Variants in MCU observed in about 807,000 individuals in gnomAD.
MCU encodes the protein mitochondrial calcium uniporter.
In MCU, 12 loss-of-function variants were observed where a neutral mutation model predicts 45.2. That is an observed-to-expected ratio of 0.27 (90% confidence interval 0.17 to 0.43). The LOEUF (loss-of-function observed/expected upper bound fraction) is 0.43. Among genes scored for constraint, MCU ranks in the 20% least tolerant of loss-of-function variants. The probability of loss-of-function intolerance (pLI) is 1.00; values close to 1 mark genes in which losing one functional copy is unlikely to be tolerated. For synonymous variants in MCU, 160 were observed against 165.1 expected, an observed-to-expected ratio of 0.97 and a Z score of 0.24; for missense variants, 324 against 436.7, an observed-to-expected ratio of 0.74 and a Z score of 2.30.
chr10:72,740,967 A>G (rs985855728), intron 1 of MCU, among the ~76,000 whole-genome samples: 1 of 152,216 alleles, frequency 6.6e-6, no homozygotes, highest in Non-Finnish European at 1.5e-5. Flanking sequence ...TATCAACAAT[A>G]TATTAATATT....
chr10:72,742,548 T>C (rs1031654142), intron 1 of MCU, among the ~76,000 whole-genome samples: 2 of 152,236 alleles, frequency 1.3e-5, no homozygotes, highest in Admixed American at 6.5e-5. Context: ...ATCGTTTTCA[T>C]GTGTTCTTTG....
chr10:72,861,075 AGT>A (rs1382152169), intron 4 of MCU, among the ~76,000 whole-genome samples: 3 of 152,030 alleles, frequency 2.0e-5, no homozygotes, highest in Non-Finnish European at 4.4e-5. Context: ...CCCAGGATGG[AGT>A]GCAGTGGCAT....
chr10:72,728,871 T>G (rs1843134197), intron 1 of MCU, among the ~76,000 whole-genome samples: 1 of 152,208 alleles, frequency 6.6e-6, no homozygotes, highest in Non-Finnish European at 1.5e-5. Context: ...ATTAAAATTA[T>G]TTGTATATTT....
chr10:72,770,528 A>G (rs1003098344), intron 1 of MCU, among the ~76,000 whole-genome samples: 1 of 152,078 alleles, frequency 6.6e-6, no homozygotes, highest in Non-Finnish European at 1.5e-5. Flanking sequence ...TATATATGTT[A>G]CAAACCTAAC....
intron 2 of MCU, among the ~76,000 whole-genome samples, chr10:72,847,885 C>T (rs1389079863): frequency 6.6e-6 from 1 of 152,166 alleles, no homozygotes; most frequent in Middle Eastern, 3.2e-3. Context: ...CAAGAAGGTA[C>T]CACTTCTCCA....
chr10:72,828,209 G>T (rs1263424034), intron 1 of MCU, among the ~76,000 whole-genome samples: 1 of 152,182 alleles, frequency 6.6e-6, no homozygotes, highest in African/African-American at 2.4e-5. Context: ...AGCATTCCAT[G>T]TTGTGCTAAG....
At chr10:72,792,264 A>G (rs1011789611) in intron 1 of MCU, among the ~76,000 whole-genome samples, 5 of 152,216 alleles carry the variant, frequency 3.3e-5, no homozygotes, top group Admixed American at 6.5e-5. Context: ...AGACAAAATC[A>G]TATGTCAATG....
At chr10:72,824,051 C>T (rs1474348484) in intron 1 of MCU, among the ~76,000 whole-genome samples, 1 of 152,036 alleles carries the variant, frequency 6.6e-6, no homozygotes, top group African/African-American at 2.4e-5. Flanking sequence ...ACCCTGTCCT[C>T]CCTTAGTCAC....
intron 1 of MCU, among the ~76,000 whole-genome samples, chr10:72,795,556 G>A (rs1253923092): frequency 1.3e-5 from 2 of 152,094 alleles, no homozygotes; most frequent in Admixed American, 6.6e-5. Flanking sequence ...ATAATTTCTG[G>A]GACTTATATC....
At chr10:72,884,581 G>A in intron 7 of MCU, 199 bp downstream of exon 7, 1 of 485,720 alleles carries the variant, frequency 2.1e-6, no homozygotes, top group East Asian at 3.1e-5. Flanking sequence ...AAAAGCAAGT[G>A]AGAAGATGGT....
At chr10:72,702,728 A>G (rs1210730832) in intron 1 of MCU, among the ~76,000 whole-genome samples, 1 of 152,122 alleles carries the variant, frequency 6.6e-6, no homozygotes, top group Admixed American at 6.5e-5. Context: ...TGTAATCCCA[A>G]CGCTTTGGGA....
intron 1 of MCU, among the ~76,000 whole-genome samples, chr10:72,735,507 G>A (rs1174918778): frequency 6.6e-6 from 1 of 152,156 alleles, no homozygotes; most frequent in Non-Finnish European, 1.5e-5. Flanking sequence ...GAAGCATGGT[G>A]TCCAGAATGA....
At chr10:72,866,630 C>T (rs531146666) in intron 4 of MCU, among the ~76,000 whole-genome samples, 8 of 152,202 alleles carry the variant, frequency 5.3e-5, no homozygotes, top group African/African-American at 1.7e-4. Flanking sequence ...CTCCTGACCT[C>T]GTGATTCGTC....
chr10:72,768,706 TAC>T, intron 1 of MCU, among the ~76,000 whole-genome samples: 1 of 152,316 alleles, frequency 6.6e-6, no homozygotes, highest in Admixed American at 6.5e-5. Flanking sequence ...TAAGAAAAAT[TAC>T]AGTTAAGATG....
At chr10:72,762,596 A>G (rs1843670480) in intron 1 of MCU, among the ~76,000 whole-genome samples, 1 of 152,198 alleles carries the variant, frequency 6.6e-6, no homozygotes, top group Admixed American at 6.5e-5. Context: ...TGGATTGAAG[A>G]AAAATGTTTT....
In MCU at chr10:72,723,727, A is replaced by G. The variant is rs554487037; in HGVS notation, c.150+31426A>G. Among the ~76,000 whole-genome samples the G allele has an allele frequency of 5.3e-5, 8 of 152,358 alleles. No individual in the cohort carries two copies. In the East Asian group the frequency reaches 1.5e-3, roughly 29 times the overall value. On this transcript the variant is annotated intron_variant, in intron 1 of 7. Coordinates refer to ENST00000373053, the MANE Select transcript of MCU (RefSeq NM_138357.3). Reference sequence around the variant, plus strand: ...TGGCTGTATCAGTATTTGTGCTTGCAACGTGCTTTTCAAAATATATATATT... The same window carrying G: ...TGGCTGTATCAGTATTTGTGCTTGCGACGTGCTTTTCAAAATATATATATT...
At chr10:72,758,166 G>A (rs1843604801) in intron 1 of MCU, among the ~76,000 whole-genome samples, 1 of 152,192 alleles carries the variant, frequency 6.6e-6, no homozygotes, top group Admixed American at 6.5e-5. Flanking sequence ...GAGGAGGATA[G>A]AAAGAGCTCT....
chr10:72,884,563 G>T, intron 7 of MCU, 181 bp downstream of exon 7: 2 of 476,290 alleles, frequency 4.2e-6, no homozygotes, highest in East Asian at 3.2e-5. Context: ...TCTCTAGAAA[G>T]TTTTATAAAA....
At chr10:72,875,932 T>C (rs1329001746) in intron 6 of MCU, among the ~76,000 whole-genome samples, 2 of 152,204 alleles carry the variant, frequency 1.3e-5, no homozygotes, top group East Asian at 3.8e-4. Context: ...GGAGTGAGCA[T>C]TGATTCTTGG....
Sources: gnomAD v4.1 joint callset for allele counts (sites outside exome capture counted in the v4.1 genomes callset) on GRCh38, gnomAD v4.1.1 for gene constraint, MANE v1.5 for transcripts, NCBI Gene and HGNC (gene_info 2026-07-23, HGNC 2026-07-21) for gene names.